Variants in GRB14 observed in about 807,000 individuals in gnomAD.
GRB14 encodes the protein growth factor receptor-bound protein 14.
Under a neutral mutation model 69.1 loss-of-function variants are expected in GRB14, and 38 were observed. The ratio of observed to expected loss-of-function variants is 0.55; its 90% confidence interval spans 0.42 to 0.72. The LOEUF (loss-of-function observed/expected upper bound fraction) is 0.72, where lower values mean the gene tolerates loss of function less well. GRB14 is among the 30% of genes least tolerant of loss of function. GRB14 has a pLI of 0.00. For missense variants in GRB14, 666 were observed against 666.1 expected, an observed-to-expected ratio of 1.00 and a Z score of 0.00; for synonymous variants, 247 against 241.3, an observed-to-expected ratio of 1.02 and a Z score of -0.22.
intron 2 of GRB14, among the ~76,000 whole-genome samples, chr2:164,572,547 T>A (rs887943789): frequency 6.6e-6 from 1 of 152,240 alleles, no homozygotes; most frequent in African/African-American, 2.4e-5. Flanking sequence ...ACTTTGCATA[T>A]GTTATTTCAT....
At chr2:164,608,548 A>C (rs1690092854) in intron 2 of GRB14, among the ~76,000 whole-genome samples, 1 of 151,848 alleles carries the variant, frequency 6.6e-6, no homozygotes, top group Admixed American at 6.6e-5. Context: ...TATATATCCC[A>C]GTAGCCAATG....
chr2:164,566,849 T>C (rs1021901068), intron 2 of GRB14, among the ~76,000 whole-genome samples: 4 of 152,146 alleles, frequency 2.6e-5, no homozygotes, highest in African/African-American at 7.2e-5. Flanking sequence ...CAGTTTGTTA[T>C]ACAGATGAGG....
intron 1 of GRB14, 117 bp from the exon 2 acceptor site, chr2:164,619,936 T>C (rs1690406867): frequency 5.1e-6 from 4 of 780,852 alleles, no homozygotes; most frequent in Non-Finnish European, 8.5e-6. Flanking sequence ...AAGGCTCATA[T>C]TATATAAAGT....
intron 2 of GRB14, among the ~76,000 whole-genome samples, chr2:164,579,919 C>A (rs73971050): frequency 0.029 from 4,404 of 151,952 alleles, 201 homozygotes; most frequent in African/African-American, 0.1. Context: ...TTTATAATTC[C>A]TTTACTATCA....
intron 9 of GRB14, among the ~76,000 whole-genome samples, chr2:164,499,167 G>A (rs910138566): frequency 6.6e-6 from 1 of 152,054 alleles, no homozygotes; most frequent in Non-Finnish European, 1.5e-5. Flanking sequence ...GGTAGGTTCT[G>A]TAATCTCAAC....
At position 164,493,098 on chromosome 2, in the gene GRB14, G is replaced by A; in HGVS notation, c.1561C>T (p.Gln521Ter). 6.2e-7 allele frequency: 1 copy of A among 1,613,526 alleles called. No individual in the cohort carries two copies. The highest frequency in any genetic ancestry group is 1.7e-4 in the Middle Eastern group (1 of 6,056). Residue 521 changes from glutamine (Q) to a stop codon, truncating the protein, a stop_gained, in exon 14 of 14, where the codon CAA becomes TAA. Transcript: ENST00000263915. LOFTEE classifies it high-confidence loss of function. ...TDLIQLVEFY[Q>*]LNKGVLPCKL... is the part of the protein sequence containing the mutation. ...CAAGGAAGAACGCCCTTATTGAGTT[G>A]ATAGAACTCCACCAGCTGTATTAGA... is the stretch of plus-strand genomic sequence containing the variant.
chr2:164,510,031 A>G (rs1489457519), intron 6 of GRB14, among the ~76,000 whole-genome samples: 1 of 152,222 alleles, frequency 6.6e-6, no homozygotes, highest in Non-Finnish European at 1.5e-5. Flanking sequence ...ATTGCTTTAA[A>G]AAGACCCAGA....
At chr2:164,533,224 C>CTTTTTTT (rs537913705) in intron 3 of GRB14, among the ~76,000 whole-genome samples, 2 of 80,348 alleles carry the variant, frequency 2.5e-5, no homozygotes, top group Non-Finnish European at 4.7e-5. Flanking sequence ...GTTTCCAATT[C>CTTTTTTT]TTTTTTTTTT....
intron 2 of GRB14, among the ~76,000 whole-genome samples, chr2:164,610,344 G>A (rs4667762): frequency 0.76 from 115,454 of 152,048 alleles, 44,469 homozygotes; most frequent in Admixed American, 0.82. Flanking sequence ...CTTAAAGAAA[G>A]TATAGCAGTT....
At chr2:164,576,626 TAATA>T (rs1415106547) in intron 2 of GRB14, among the ~76,000 whole-genome samples, 5 of 151,746 alleles carry the variant, frequency 3.3e-5, no homozygotes, top group Non-Finnish European at 7.4e-5. Flanking sequence ...TATGTAATAA[TAATA>T]AATATAATAA....
chr2:164,613,013 T>C (rs1690203170), intron 2 of GRB14, among the ~76,000 whole-genome samples: 1 of 152,052 alleles, frequency 6.6e-6, no homozygotes, highest in Admixed American at 6.6e-5. Flanking sequence ...GGAACCTGAG[T>C]TGGTAATTCC....
At position 164,619,787 on chromosome 2, in the gene GRB14, A is replaced by G; in HGVS notation, c.224T>C (p.Met75Thr). The G allele has an allele frequency of 6.2e-7, 1 of 1,610,962 alleles. No homozygotes were observed. Among genetic ancestry groups the G allele is most frequent in the Non-Finnish European group, 8.5e-7 (1 of 1,177,732 alleles). ...AGGAAAAGGGTTTGGAATAGATGGC[A>G]TTTCCGGAACATCAAGATCTTTCTT... ...RKKKDLDVPE[M>T]PSIPNPFPEL... Residue 75 changes from methionine to threonine, a missense_variant, in exon 2 of 14, where the codon ATG (methionine) becomes ACG (threonine). Met to Thr is a moderately conservative substitution (Grantham distance 81). Transcript: ENST00000263915.
intron 4 of GRB14, 33 bp downstream of exon 4, chr2:164,526,981 T>G: frequency 6.0e-6 from 9 of 1,490,744 alleles, no homozygotes; most frequent in Non-Finnish European, 6.4e-6. Context: ...GGTTCATTTA[T>G]TTTCCGTAAC....
Position 164,586,683 on chromosome 2 carries a change from G to A in GRB14, c.324+33004C>T, listed in dbSNP as rs534821601. 5.9e-5 allele frequency among the ~76,000 whole-genome samples: 9 copies of A among 152,254 alleles called. No individual in the cohort carries two copies. The South Asian group carries it at 1.5e-3, about 25-fold the overall frequency. ...CAGAGTCATGCCCAATAACCTTCAT[G>A]CTAAAAACAGCCTAGACATCACTTT... On this transcript the variant is annotated intron_variant, in intron 2 of 13. Transcript: ENST00000263915.
At chr2:164,536,207 G>T in intron 3 of GRB14, among the ~76,000 whole-genome samples, 1 of 152,000 alleles carries the variant, frequency 6.6e-6, no homozygotes, top group East Asian at 1.9e-4. Context: ...ACATTTATTT[G>T]TCTTAGACCC....
At chr2:164,586,597 C>A (rs905568994) in intron 2 of GRB14, among the ~76,000 whole-genome samples, 1 of 152,116 alleles carries the variant, frequency 6.6e-6, no homozygotes, top group African/African-American at 2.4e-5. Context: ...GCATTTGCCA[C>A]AAAACACAGG....
chr2:164,497,518 T>C (rs199702245), intron 9 of GRB14, 28 bp from the exon 10 acceptor site: 20 of 1,352,486 alleles, frequency 1.5e-5, no homozygotes, highest in East Asian at 1.2e-4. Context: ...ATTTGAGTTA[T>C]GAAAATTTCT....
chr2:164,554,276 A>T (rs960511449), intron 2 of GRB14, among the ~76,000 whole-genome samples: 1 of 152,162 alleles, frequency 6.6e-6, no homozygotes, highest in Non-Finnish European at 1.5e-5. Flanking sequence ...GATATTATAC[A>T]TTTCTTTAAT....
intron 2 of GRB14, among the ~76,000 whole-genome samples, chr2:164,602,426 A>C (rs1558879208): frequency 6.6e-6 from 1 of 152,216 alleles, no homozygotes; most frequent in Non-Finnish European, 1.5e-5. Context: ...TGAGATTTAC[A>C]TAGGGATGGA....
Sources: gnomAD v4.1 joint callset for allele counts (sites outside exome capture counted in the v4.1 genomes callset) on GRCh38, gnomAD v4.1.1 for gene constraint, MANE v1.5 for transcripts, NCBI Gene and HGNC (gene_info 2026-07-23, HGNC 2026-07-21) for gene names.